Variants in MDGA2 observed in about 807,000 individuals in gnomAD.
MDGA2 encodes MAM domain containing glycosylphosphatidylinositol anchor 2, also known as MAM domain-containing glycosylphosphatidylinositol anchor protein 2.
A neutral mutation model predicts 117.8 loss-of-function variants in MDGA2; 40 were observed. That is an observed-to-expected ratio of 0.34 (90% CI 0.26 to 0.44). The LOEUF (loss-of-function observed/expected upper bound fraction) is 0.44, where lower values mean the gene tolerates loss of function less well. Ranked by LOEUF, MDGA2 falls within the 20% of genes least tolerant of loss-of-function variation. MDGA2 has a pLI of 1.00. For synonymous variants in MDGA2, 452 were observed against 439.0 expected (o/e 1.03, Z -0.37); for missense variants, 1,123 against 1,250.6 (o/e 0.90, Z 1.54).
chr14:47,511,129 G>A (rs1695706475), intron 1 of MDGA2, among the ~76,000 whole-genome samples: 2 of 152,154 alleles, frequency 1.3e-5, no homozygotes, highest in Non-Finnish European at 2.9e-5. Context: ...ATTCATTAGT[G>A]TTCCTTCAGA....
intron 9 of MDGA2, among the ~76,000 whole-genome samples, chr14:46,928,227 A>T (rs562577296): frequency 1.1e-3 from 171 of 152,250 alleles, no homozygotes; most frequent in African/African-American, 3.9e-3. Flanking sequence ...GCATTATTTT[A>T]AAAAAATTCA....
chr14:47,587,055 A>T (rs1377258750), intron 1 of MDGA2, among the ~76,000 whole-genome samples: 4 of 151,956 alleles, frequency 2.6e-5, no homozygotes, highest in Non-Finnish European at 4.4e-5. Flanking sequence ...TGAAGGCATC[A>T]GGACCAGAAA....
At chr14:47,594,132 G>A (rs1355806934) in intron 1 of MDGA2, among the ~76,000 whole-genome samples, 1 of 152,146 alleles carries the variant, frequency 6.6e-6, no homozygotes, top group Non-Finnish European at 1.5e-5. Context: ...AGCATAGAGT[G>A]AAGCAATAGT....
At position 47,514,284 on chromosome 14, in the gene MDGA2, C is replaced by T. The variant is rs574061578; in HGVS notation, c.280+160233G>A. Among the ~76,000 whole-genome samples the T allele has an allele frequency of 3.9e-5, 6 of 152,110 alleles. No homozygotes were observed. In the South Asian group the frequency reaches 8.3e-4, roughly 21 times the overall value. On this transcript the variant is annotated intron_variant, in intron 1 of 16. Coordinates refer to ENST00000399232, the MANE Select transcript of MDGA2 (RefSeq NM_001113498.3). ...AAGTCTAAAAGAGAGATGGGCAATG[C>T]CCCCAAGTTCCTGAGAAATGTGACA...
intron 1 of MDGA2, among the ~76,000 whole-genome samples, chr14:47,368,813 G>A (rs926401094): frequency 3.3e-5 from 5 of 151,834 alleles, no homozygotes; most frequent in East Asian, 3.9e-4. Context: ...ACATATGCTT[G>A]GAGAAAAGTC....
At chr14:47,460,527 A>C (rs149624201) in intron 1 of MDGA2, among the ~76,000 whole-genome samples, 1 of 152,274 alleles carries the variant, frequency 6.6e-6, no homozygotes, top group Non-Finnish European at 1.5e-5. Context: ...TACTATAAAA[A>C]AGGGAAAAAG....
At chr14:47,483,439 G>C (rs1955788) in intron 1 of MDGA2, among the ~76,000 whole-genome samples, 113,907 of 151,948 alleles carry the variant, frequency 0.75, 43,107 homozygotes, top group East Asian at 1. Flanking sequence ...CTTTTCGTTC[G>C]TCCTGTCCCG....
At chr14:47,322,109 T>C (rs1410131384) in intron 1 of MDGA2, among the ~76,000 whole-genome samples, 1 of 152,084 alleles carries the variant, frequency 6.6e-6, no homozygotes, top group Non-Finnish European at 1.5e-5. Context: ...AGATATTCCA[T>C]AGAAAAAGTA....
At chr14:47,266,816 A>G (rs17575074) in intron 2 of MDGA2, among the ~76,000 whole-genome samples, 24,650 of 152,134 alleles carry the variant, frequency 0.16, 2,775 homozygotes, top group Admixed American at 0.35. Flanking sequence ...TTGATTAATT[A>G]TTCAACTTTC....
chr14:47,626,147 TTCTA>T (rs1295032407), intron 1 of MDGA2, among the ~76,000 whole-genome samples: 4 of 152,254 alleles, frequency 2.6e-5, no homozygotes. Context: ...AATATTTGCA[TTCTA>T]TCTATCAACA....
intron 9 of MDGA2, among the ~76,000 whole-genome samples, chr14:46,949,094 T>G (rs1981285): frequency 0.1 from 15,347 of 152,094 alleles, 1,386 homozygotes; most frequent in African/African-American, 0.21. Context: ...ATCCTAAAAT[T>G]ATGTGAGCCA....
At chr14:47,395,930 TC>T (rs1891997837) in intron 1 of MDGA2, among the ~76,000 whole-genome samples, 1 of 152,170 alleles carries the variant, frequency 6.6e-6, no homozygotes, top group Admixed American at 6.6e-5. Context: ...CCACAGGTTC[TC>T]ATATTTACTT....
chr14:47,385,200 G>T (rs1352748734), intron 1 of MDGA2, among the ~76,000 whole-genome samples: 1 of 151,790 alleles, frequency 6.6e-6, no homozygotes, highest in African/African-American at 2.4e-5. Flanking sequence ...TAAGTAAATT[G>T]CATATTAAGT....
intron 1 of MDGA2, among the ~76,000 whole-genome samples, chr14:47,660,768 A>C (rs1897831390): frequency 6.6e-6 from 1 of 152,246 alleles, no homozygotes; most frequent in Non-Finnish European, 1.5e-5. Context: ...TTATAAGCAC[A>C]TACCTACTAT....
At chr14:47,284,807 C>T (rs1888617204) in intron 2 of MDGA2, among the ~76,000 whole-genome samples, 1 of 152,050 alleles carries the variant, frequency 6.6e-6, no homozygotes, top group Non-Finnish European at 1.5e-5. Context: ...AAGAAGCAAG[C>T]CAGCATTACC....
chr14:47,404,960 T>C (rs1374332753), intron 1 of MDGA2, among the ~76,000 whole-genome samples: 1 of 152,200 alleles, frequency 6.6e-6, no homozygotes, highest in African/African-American at 2.4e-5. Flanking sequence ...AAAACAATGA[T>C]GAAAAACTGC....
intron 8 of MDGA2, among the ~76,000 whole-genome samples, chr14:46,996,303 T>C (rs1887289040): frequency 6.6e-6 from 1 of 152,194 alleles, no homozygotes; most frequent in South Asian, 2.1e-4. Context: ...AAAGGTAGAC[T>C]GCTGCAGGAG....
chr14:47,059,963 G>A (rs1889821801), intron 7 of MDGA2, among the ~76,000 whole-genome samples: 2 of 152,060 alleles, frequency 1.3e-5, no homozygotes, highest in South Asian at 4.1e-4. Context: ...AGAATCAATG[G>A]ATATTTGTTG....
chr14:47,585,427 C>T (rs527281179), intron 1 of MDGA2, among the ~76,000 whole-genome samples: 17 of 151,880 alleles, frequency 1.1e-4, no homozygotes, highest in Non-Finnish European at 2.1e-4. Flanking sequence ...TCTCTAACCC[C>T]AGTTTTCTTA....
Sources: allele counts gnomAD v4.1 joint callset (sites outside exome capture counted in the v4.1 genomes callset), GRCh38; gene constraint gnomAD v4.1.1; transcripts MANE v1.5; gene names NCBI Gene and HGNC (gene_info 2026-07-23, HGNC 2026-07-21).